The following KANSL1 variants were observed in gnomAD, a reference collection of about 807,000 sequenced individuals.
The protein encoded by KANSL1 is KAT8 regulatory NSL complex subunit 1, also known as MLL1/MLL complex subunit KANSL1.
Under a neutral mutation model 103.6 loss-of-function variants are expected in KANSL1, and 22 were observed. That is an observed-to-expected ratio of 0.21 (90% CI 0.15 to 0.30). The LOEUF (loss-of-function observed/expected upper bound fraction) is 0.30, where lower values mean the gene tolerates loss of function less well. KANSL1 is among the 10% of genes least tolerant of loss of function. KANSL1 has a pLI of 1.00. For missense variants in KANSL1, 1,337 were observed against 1,399.8 expected, an observed-to-expected ratio of 0.96 and a Z score of 0.72; for synonymous variants, 600 against 527.6, an observed-to-expected ratio of 1.14 and a Z score of -1.88.
At chr17:46,133,951 T>C (rs574184494) in intron 2 of KANSL1, among the ~76,000 whole-genome samples, 3 of 152,230 alleles carry the variant, frequency 2.0e-5, no homozygotes, top group African/African-American at 7.2e-5. Flanking sequence ...AAGATATATT[T>C]TAGAGAGTAT....
intron 2 of KANSL1, among the ~76,000 whole-genome samples, chr17:46,148,992 G>T (rs2044904025): frequency 7.1e-6 from 1 of 141,328 alleles, no homozygotes; most frequent in African/African-American, 2.7e-5. Context: ...ACCCATTCTT[G>T]CCTCTTTTTT....
chr17:46,211,282 A>C (rs1008915787), intron 1 of KANSL1, among the ~76,000 whole-genome samples: 8 of 152,026 alleles, frequency 5.3e-5, no homozygotes, highest in Non-Finnish European at 1.0e-4. Context: ...TTAGGAAAAA[A>C]CTGTAAATCA....
chr17:46,185,666 TACAC>T (rs1555583027), intron 1 of KANSL1, among the ~76,000 whole-genome samples: 1 of 146,068 alleles, frequency 6.8e-6, no homozygotes, highest in Non-Finnish European at 1.5e-5. Context: ...CATATATATA[TACAC>T]ATATATATAC....
chr17:46,176,820 C>T (rs1401440594), intron 1 of KANSL1, among the ~76,000 whole-genome samples: 2 of 152,130 alleles, frequency 1.3e-5, no homozygotes, highest in Non-Finnish European at 2.9e-5. Context: ...GTCTCAATAT[C>T]CCCATAGGAT....
intron 6 of KANSL1, among the ~76,000 whole-genome samples, chr17:46,060,221 T>C (rs1185993109): frequency 6.6e-6 from 1 of 152,228 alleles, no homozygotes; most frequent in Admixed American, 6.5e-5. Flanking sequence ...TTCTTTTGGC[T>C]CAAGGACAGG....
intron 9 of KANSL1, 28 bp from the exon 10 acceptor site, chr17:46,038,714 A>T: frequency 6.2e-7 from 1 of 1,613,292 alleles, no homozygotes; most frequent in Non-Finnish European, 8.5e-7. Flanking sequence ...AAAGAGAGAA[A>T]TACATGGCTA....
At chr17:46,071,019 T>G (rs1002413818) in intron 4 of KANSL1, among the ~76,000 whole-genome samples, 1 of 152,202 alleles carries the variant, frequency 6.6e-6, no homozygotes, top group Non-Finnish European at 1.5e-5. Flanking sequence ...TCACCAGTAA[T>G]GTCACGATCC....
chr17:46,174,813 A>G (rs2046443724), intron 1 of KANSL1, among the ~76,000 whole-genome samples: 1 of 152,208 alleles, frequency 6.6e-6, no homozygotes, highest in African/African-American at 2.4e-5. Flanking sequence ...AGCTGGGACT[A>G]TAGGTGTGTG....
Position 46,038,569 on chromosome 17 carries a change from C to A in KANSL1, c.2510G>T (p.Ser837Ile), listed in dbSNP as rs770500282. ...STSSDSPAPA[S>I]SSSQVTASTS... Reference sequence around the variant, plus strand: ...GCTGGCTGTAACCTGTGAGCTAGAGCTGGCGGGTGCAGGGGAATCTGAGGA... The same window carrying A: ...GCTGGCTGTAACCTGTGAGCTAGAGATGGCGGGTGCAGGGGAATCTGAGGA... The change falls in exon 10 of 15, where the codon AGC becomes ATC. Residue 837 changes from serine to isoleucine, a missense_variant. Transcript: ENST00000432791. The A allele has an allele frequency of 1.2e-6, 2 of 1,614,094 alleles. No homozygotes were observed. The highest frequency in any genetic ancestry group is 1.7e-6 in the Non-Finnish European group (2 of 1,180,002).
intron 3 of KANSL1, among the ~76,000 whole-genome samples, chr17:46,089,817 G>T (rs574743769): frequency 6.6e-6 from 1 of 152,220 alleles, no homozygotes; most frequent in Admixed American, 6.5e-5. Flanking sequence ...TGAAAATCGT[G>T]AATGAGAGTA....
rs2077240690 is a variant in KANSL1, at chr17:46,039,209, G to C, written c.2210C>G (p.Ser737Cys). 6.3e-7 allele frequency: 1 copy of C among 1,579,844 alleles called. No homozygotes were observed. Among genetic ancestry groups the C allele is most frequent in the African/African-American group, 1.4e-5 (1 of 72,654 alleles). ...CCTGTCAGGCCGGGTTTGGTGATGGGACAGCTCTGAAGAGGGGAACAGAAA... is the reference window on the plus strand; with the variant it reads ...CCTGTCAGGCCGGGTTTGGTGATGGCACAGCTCTGAAGAGGGGAACAGAAA... The part of the protein sequence containing the change: ...VSSFLTTAKL[S>C]HHQTRPDRTH... Residue 737 changes from serine (S) to cysteine (C), a missense_variant, in exon 9 of 15, where the codon TCC becomes TGC. Coordinates refer to ENST00000432791, the MANE Select transcript of KANSL1 (RefSeq NM_015443.4).
chr17:46,177,192 A>G (rs570448556), intron 1 of KANSL1, among the ~76,000 whole-genome samples: 3 of 152,324 alleles, frequency 2.0e-5, no homozygotes, highest in Admixed American at 6.5e-5. Context: ...CAAGGATGCT[A>G]TGATGATGAA....
At chr17:46,062,091 C>CAAAAAAAAAAAAAAAAAAA (rs35638067) in intron 6 of KANSL1, among the ~76,000 whole-genome samples, 1 of 70,076 alleles carries the variant, frequency 1.4e-5, no homozygotes, top group African/African-American at 7.0e-5. Context: ...GACTCCGACT[C>CAAAAAAAAAAAAAAAAAAA]AAAAAAAAAA....
intron 2 of KANSL1, among the ~76,000 whole-genome samples, chr17:46,143,689 A>G (rs961466319): frequency 6.6e-6 from 1 of 150,384 alleles, no homozygotes; most frequent in African/African-American, 2.5e-5. Flanking sequence ...CTGTAGTCCC[A>G]GCTACTCAGG....
At chr17:46,173,287 C>G (rs192624177) in intron 1 of KANSL1, among the ~76,000 whole-genome samples, 337 of 151,710 alleles carry the variant, frequency 2.2e-3, no homozygotes, top group Non-Finnish European at 3.6e-3. Flanking sequence ...CTGAGCTGCA[C>G]TAATCAAGAT....
chr17:46,049,557 C>T (rs977205177), intron 7 of KANSL1: 1 of 152,182 alleles, frequency 6.6e-6, no homozygotes, highest in African/African-American at 2.4e-5. Flanking sequence ...CTCAAGTGAT[C>T]TGCCTGCCTT....
chr17:46,223,292 G>C (rs1349404030), intron 1 of KANSL1: 1 of 152,458 alleles, frequency 6.6e-6, no homozygotes, highest in African/African-American at 2.4e-5. Flanking sequence ...GCAAGAGTGG[G>C]ACACACCCTA....
At chr17:46,145,048 G>T (rs2044625476) in intron 2 of KANSL1, among the ~76,000 whole-genome samples, 1 of 152,188 alleles carries the variant, frequency 6.6e-6, no homozygotes. Flanking sequence ...TAGAGGAGAG[G>T]ATTTGGCCAG....
chr17:46,209,290 A>C (rs2048083171), intron 1 of KANSL1, among the ~76,000 whole-genome samples: 2 of 152,238 alleles, frequency 1.3e-5, no homozygotes, highest in Non-Finnish European at 2.9e-5. Context: ...GATTGATAAA[A>C]AGCAAGACAG....
Sources: gnomAD v4.1 joint callset for allele counts (sites outside exome capture counted in the v4.1 genomes callset) on GRCh38, gnomAD v4.1.1 for gene constraint, MANE v1.5 for transcripts, NCBI Gene and HGNC (gene_info 2026-07-23, HGNC 2026-07-21) for gene names.